The following CDH18 variants were observed in gnomAD, a reference collection of about 807,000 sequenced individuals.
CDH18 encodes cadherin 18.
Under a neutral mutation model 67.9 loss-of-function variants are expected in CDH18, and 31 were observed. The ratio of observed to expected loss-of-function variants is 0.46; its 90% CI spans 0.34 to 0.62. CDH18 has a LOEUF of 0.62. CDH18 is among the 20% of genes least tolerant of loss of function. The probability of loss-of-function intolerance (pLI) is 0.01; values close to 1 mark genes in which losing one functional copy is unlikely to be tolerated. For synonymous variants in CDH18, 362 were observed against 347.2 expected, an observed-to-expected ratio of 1.04 and a Z score of -0.48; for missense variants, 890 against 975.5, an observed-to-expected ratio of 0.91 and a Z score of 1.17.
chr5:20,242,042 A>C (rs1447685857), intron 2 of CDH18, among the ~76,000 whole-genome samples: 1 of 151,526 alleles, frequency 6.6e-6, no homozygotes, highest in African/African-American at 2.4e-5. Context: ...AATAAAGGCA[A>C]AATTAAAAAC....
chr5:19,945,250 A>G (rs1795184549), intron 2 of CDH18, among the ~76,000 whole-genome samples: 1 of 152,144 alleles, frequency 6.6e-6, no homozygotes, highest in African/African-American at 2.4e-5. Flanking sequence ...CCTATAGGCA[A>G]CACAAGCAGG....
chr5:20,204,857 C>T (rs1293586136), intron 2 of CDH18, among the ~76,000 whole-genome samples: 12 of 151,422 alleles, frequency 7.9e-5, no homozygotes, highest in African/African-American at 2.9e-4. Flanking sequence ...TCTAAAATAA[C>T]TTGTTTAAGT....
chr5:20,189,269 C>T (rs1044313309), intron 2 of CDH18, among the ~76,000 whole-genome samples: 3 of 151,978 alleles, frequency 2.0e-5, no homozygotes, highest in African/African-American at 4.8e-5. Flanking sequence ...TAGTCACTTT[C>T]CTGGTTTTCT....
chr5:20,069,155 G>A (rs757351551), intron 2 of CDH18, among the ~76,000 whole-genome samples: 8 of 151,818 alleles, frequency 5.3e-5, no homozygotes, highest in Non-Finnish European at 1.0e-4. Flanking sequence ...CAAAAACAAG[G>A]AATGAGAATC....
chr5:19,857,323 G>A (rs1784418128), intron 2 of CDH18, among the ~76,000 whole-genome samples: 1 of 152,072 alleles, frequency 6.6e-6, no homozygotes, highest in East Asian at 1.9e-4. Flanking sequence ...TTTAAACAGT[G>A]TGATTTTGTG....
chr5:19,786,593 T>C (rs953103286), intron 3 of CDH18, among the ~76,000 whole-genome samples: 2 of 152,178 alleles, frequency 1.3e-5, no homozygotes, highest in Non-Finnish European at 1.5e-5. Context: ...AATAATATCA[T>C]AGAATAGGCT....
chr5:19,627,781 C>A (rs1751778545), intron 5 of CDH18, among the ~76,000 whole-genome samples: 1 of 152,110 alleles, frequency 6.6e-6, no homozygotes, highest in Non-Finnish European at 1.5e-5. Context: ...AAAAAAGAAT[C>A]ATATGCACAA....
At chr5:19,784,158 T>A (rs1775444889) in intron 3 of CDH18, among the ~76,000 whole-genome samples, 1 of 152,162 alleles carries the variant, frequency 6.6e-6, no homozygotes, top group South Asian at 2.1e-4. Flanking sequence ...GTATAGCCTA[T>A]GTTTTTTAAA....
At chr5:19,903,616 G>A (rs1342659281) in intron 2 of CDH18, among the ~76,000 whole-genome samples, 1 of 109,232 alleles carries the variant, frequency 9.2e-6, no homozygotes, top group Non-Finnish European at 1.9e-5. Context: ...AAGCAAAGTG[G>A]CTTTTTTTTT....
At chr5:19,712,505 A>G (rs1318449834) in intron 5 of CDH18, among the ~76,000 whole-genome samples, 2 of 151,934 alleles carry the variant, frequency 1.3e-5, no homozygotes, top group Admixed American at 6.6e-5. Context: ...ATTAGTTCTA[A>G]GAGTCCAGGG....
intron 5 of CDH18, among the ~76,000 whole-genome samples, chr5:19,613,631 A>T (rs1055391375): frequency 6.6e-6 from 1 of 152,194 alleles, no homozygotes; most frequent in African/African-American, 2.4e-5. Flanking sequence ...TTAAATACCC[A>T]TCTGTGATTA....
At chr5:19,627,891 A>G (rs1751797279) in intron 5 of CDH18, among the ~76,000 whole-genome samples, 1 of 152,214 alleles carries the variant, frequency 6.6e-6, no homozygotes, top group Non-Finnish European at 1.5e-5. Context: ...TGATATCAGA[A>G]TGATGATGAT....
chr5:20,068,412 C>G (rs1435698094), intron 2 of CDH18, among the ~76,000 whole-genome samples: 1 of 151,990 alleles, frequency 6.6e-6, no homozygotes, highest in Non-Finnish European at 1.5e-5. Flanking sequence ...ATGCTAAATA[C>G]AACTTTAGGA....
chr5:19,813,499 A>G (rs1778959037), intron 3 of CDH18, among the ~76,000 whole-genome samples: 1 of 152,088 alleles, frequency 6.6e-6, no homozygotes, highest in Admixed American at 6.6e-5. Context: ...GAATTTTAAT[A>G]TCTCATTAGA....
chr5:19,478,163 C>G (rs1321126734), intron 12 of CDH18, among the ~76,000 whole-genome samples: 1 of 152,024 alleles, frequency 6.6e-6, no homozygotes, highest in Admixed American at 6.6e-5. Context: ...CATTCCAGTG[C>G]TTGGCATACT....
chr5:20,261,983 C>T (rs1268147046), intron 1 of CDH18, among the ~76,000 whole-genome samples: 12 of 151,836 alleles, frequency 7.9e-5, no homozygotes, highest in Admixed American at 6.6e-5. Flanking sequence ...TGTGGTGTGG[C>T]TTTGTACTTT....
At chr5:20,277,109 C>T (rs1487875547) in intron 1 of CDH18, among the ~76,000 whole-genome samples, 10 of 152,146 alleles carry the variant, frequency 6.6e-5, no homozygotes, top group Admixed American at 6.5e-4. Flanking sequence ...AAAAGCGAGG[C>T]TGTCTTTGCC....
intron 2 of CDH18, among the ~76,000 whole-genome samples, chr5:19,886,970 C>A (rs1285860123): frequency 6.6e-6 from 1 of 151,882 alleles, no homozygotes; most frequent in Non-Finnish European, 1.5e-5. Context: ...TGACAAATTA[C>A]CAATATTTAT....
chr5:19,774,685 G>A (rs1774114963), intron 3 of CDH18, among the ~76,000 whole-genome samples: 1 of 150,186 alleles, frequency 6.7e-6, no homozygotes, highest in Non-Finnish European at 1.5e-5. Context: ...AGCCGTGTGG[G>A]GTGGTATGCA....
Sources: allele counts gnomAD v4.1 joint callset (sites outside exome capture counted in the v4.1 genomes callset), GRCh38; gene constraint gnomAD v4.1.1; transcripts MANE v1.5; gene names NCBI Gene and HGNC (gene_info 2026-07-23, HGNC 2026-07-21).